The following AQR variants were observed in gnomAD, a reference collection of about 807,000 sequenced individuals.
AQR encodes the protein RNA helicase aquarius.
In AQR, 61 loss-of-function variants were observed where a neutral mutation model predicts 180.5. The observed-to-expected ratio is 0.34, with a 90% CI of 0.28 to 0.42. The LOEUF is 0.42. Among genes scored for constraint, AQR ranks in the 10% least tolerant of loss-of-function variants. The pLI, the probability that AQR is intolerant of heterozygous loss-of-function variation, is 1.00. For missense variants in AQR, 1,281 were observed against 1,798.3 expected (o/e 0.71, Z 5.20); for synonymous variants, 551 against 588.8 (o/e 0.94, Z 0.93).
chr15:34,864,274 G>A (rs1295970076), intron 32 of AQR, among the ~76,000 whole-genome samples: 2 of 152,038 alleles, frequency 1.3e-5, no homozygotes, highest in Admixed American at 1.3e-4. Flanking sequence ...TGTGCTACGT[G>A]TATGTGTGTG....
At chr15:34,903,182 A>T (rs1893358571) in intron 19 of AQR, among the ~76,000 whole-genome samples, 1 of 151,496 alleles carries the variant, frequency 6.6e-6, no homozygotes, top group Non-Finnish European at 1.5e-5. Context: ...GGATTATTTT[A>T]AAAAACAGCA....
At chr15:34,921,182 A>C (rs1893678677) in intron 13 of AQR, among the ~76,000 whole-genome samples, 1 of 152,126 alleles carries the variant, frequency 6.6e-6, no homozygotes, top group South Asian at 2.1e-4. Context: ...TCACACCTGT[A>C]ATCCCAGTAC....
intron 5 of AQR, among the ~76,000 whole-genome samples, chr15:34,946,531 A>G (rs1242257788): frequency 2.2e-3 from 127 of 57,938 alleles, no homozygotes; most frequent in East Asian, 3.7e-3. Flanking sequence ...GAGGGAGGTG[A>G]GGGGGTCAGC....
intron 13 of AQR, among the ~76,000 whole-genome samples, chr15:34,925,603 G>A (rs1349506250): frequency 3.3e-5 from 5 of 152,080 alleles, no homozygotes; most frequent in Non-Finnish European, 5.9e-5. Context: ...CTCTTTGGGA[G>A]GCCGAGGCAG....
At chr15:34,949,377 G>A (rs1410875586) in intron 4 of AQR, among the ~76,000 whole-genome samples, 5 of 151,176 alleles carry the variant, frequency 3.3e-5, no homozygotes, top group Admixed American at 2.6e-4. Flanking sequence ...TTGGGAGGCC[G>A]AGGCAGGCAG....
At chr15:34,927,263 T>C (rs1190479082) in intron 12 of AQR, 125 bp from the exon 13 acceptor site, 2 of 457,608 alleles carry the variant, frequency 4.4e-6, no homozygotes, top group Non-Finnish European at 7.3e-6. Context: ...ATGCTTCTTT[T>C]ATGTGACCTC....
intron 23 of AQR, among the ~76,000 whole-genome samples, chr15:34,890,694 G>A (rs935341054): frequency 2.0e-5 from 3 of 152,170 alleles, no homozygotes; most frequent in Non-Finnish European, 2.9e-5. Context: ...TTTGCAGTTG[G>A]AGAAAGACAA....
At chr15:34,965,022 T>C (rs1314901807) in intron 1 of AQR, among the ~76,000 whole-genome samples, 1 of 152,204 alleles carries the variant, frequency 6.6e-6, no homozygotes, top group Non-Finnish European at 1.5e-5. Context: ...GTGTCTGGCA[T>C]ATCAGAGGCA....
At chr15:34,925,099 T>C (rs1474299611) in intron 13 of AQR, among the ~76,000 whole-genome samples, 1 of 151,944 alleles carries the variant, frequency 6.6e-6, no homozygotes, top group Non-Finnish European at 1.5e-5. Context: ...AAAGTTAAAC[T>C]GAAAGAAAAT....
At position 34,884,512 on chromosome 15, in the gene AQR, T is replaced by C. The variant is rs752221343; in HGVS notation, c.3027+13A>G. ...CCACTAAAGGGAAGTTCAAAGAACT[T>C]GAGAATCCTTACCTCAAGCTGCGTA... On this transcript the variant is annotated intron_variant, in intron 26 of 34. Transcript: ENST00000156471. 3.2e-6 allele frequency: 5 copies of C among 1,559,716 alleles called. No homozygotes were observed. Among genetic ancestry groups the C allele is most frequent in the African/African-American group, 1.4e-5 (1 of 71,176 alleles).
chr15:34,969,573 G>A lies in AQR; in HGVS notation c.41C>T (p.Thr14Met). ...GAACTCCGCATTGATTTGGGACACC[G>A]TAGGGGCCACGATCTTCTTGGGCTG... ...PAQPKKIVAP[T>M]VSQINAEFVT... Residue 14 changes from threonine (T) to methionine (M), a missense_variant, in exon 1 of 35, where the codon ACG becomes ATG. Physicochemically the swap from Thr to Met is moderately conservative, Grantham distance 81. Around this residue, in one of 9 missense-constraint regions of AQR, gnomAD observed 404 missense variants for 490.9 expected, o/e 0.82. Transcript: ENST00000156471. The A allele has an allele frequency of 6.2e-7, 1 of 1,613,740 alleles. No individual in the cohort carries two copies. Among genetic ancestry groups the A allele is most frequent in the Non-Finnish European group, 8.5e-7 (1 of 1,180,004 alleles).
Position 34,896,945 on chromosome 15 carries a change from A to G in AQR, c.2412T>C (p.His804=). 6.2e-7 allele frequency: 1 copy of G among 1,613,252 alleles called. No individual in the cohort carries two copies. Among genetic ancestry groups the G allele is most frequent in the African/African-American group, 1.3e-5 (1 of 75,022 alleles). ...CAGCACGGATGGCTTCTATCTGTGTATGAGTGAACTGAATCGTATTACTGC... is the reference window on the plus strand; with the variant it reads ...CAGCACGGATGGCTTCTATCTGTGTGTGAGTGAACTGAATCGTATTACTGC... The part of the protein sequence containing the change: ...QPKRNTIQFT[H]TQIEAIRAGM... The change falls in exon 22 of 35, where the codon CAT becomes CAC. Residue 804 remains histidine, a synonymous_variant. Transcript: ENST00000156471.
chr15:34,923,763 C>A (rs1277955912), intron 13 of AQR, among the ~76,000 whole-genome samples: 2 of 152,152 alleles, frequency 1.3e-5, no homozygotes, highest in East Asian at 3.9e-4. Flanking sequence ...GGACTCTAAT[C>A]TATTCCATTG....
intron 3 of AQR, among the ~76,000 whole-genome samples, chr15:34,959,335 T>C (rs181045041): frequency 3.3e-5 from 5 of 152,274 alleles, no homozygotes; most frequent in Admixed American, 3.3e-4. Context: ...GCTAATTTTT[T>C]GTGTTTTTTC....
intron 15 of AQR, among the ~76,000 whole-genome samples, chr15:34,915,581 A>G (rs547920885): frequency 6.6e-6 from 1 of 152,300 alleles, no homozygotes; most frequent in East Asian, 1.9e-4. Context: ...GAAATGCAGC[A>G]TATCTGATAA....
chr15:34,924,871 A>G (rs1000259227), intron 13 of AQR, among the ~76,000 whole-genome samples: 3 of 151,570 alleles, frequency 2.0e-5, no homozygotes, highest in Admixed American at 2.0e-4. Context: ...AAGGATGTCT[A>G]TGGACAAAAA....
In AQR at chr15:34,951,585, C is replaced by T. The variant is rs1292120121; in HGVS notation, c.209+1300G>A. ...ACTCAGGAGGCTGAGGCAGGAGAATCGCTTCTACCCGGGAAGTGGAGGTTG... is the reference window on the plus strand; with the variant it reads ...ACTCAGGAGGCTGAGGCAGGAGAATTGCTTCTACCCGGGAAGTGGAGGTTG... On this transcript the variant is annotated intron_variant, in intron 4 of 34. Transcript: ENST00000156471. Among the ~76,000 whole-genome samples the T allele has an allele frequency of 5.3e-5, 8 of 151,386 alleles. No homozygotes were observed. In the East Asian group the frequency reaches 5.8e-4, roughly 11 times the overall value.
chr15:34,870,037 A>T (rs1892793277), intron 31 of AQR: 1 of 152,228 alleles, frequency 6.6e-6, no homozygotes, highest in Non-Finnish European at 1.5e-5. Flanking sequence ...TGTGGGAGAC[A>T]TGAAGATGGG....
At chr15:34,941,810 A>G (rs1005480843) in intron 7 of AQR, among the ~76,000 whole-genome samples, 4 of 152,190 alleles carry the variant, frequency 2.6e-5, no homozygotes, top group Admixed American at 2.0e-4. Context: ...TTCATTTTAT[A>G]TTACTAAAAT....
Sources: allele counts gnomAD v4.1 joint callset (sites outside exome capture counted in the v4.1 genomes callset), GRCh38; gene constraint gnomAD v4.1.1; regional missense constraint gnomAD v4.1.1; transcripts MANE v1.5; gene names NCBI Gene and HGNC (gene_info 2026-07-23, HGNC 2026-07-21).